Variants in DDX39A observed in about 807,000 individuals in gnomAD.
The protein encoded by DDX39A is DExD-box helicase 39A, also known as ATP-dependent RNA helicase DDX39A.
DDX39A carries 13 observed loss-of-function variants against 46.3 expected under a neutral mutation model. That is an observed-to-expected ratio of 0.28 (90% CI 0.18 to 0.45). The LOEUF (loss-of-function observed/expected upper bound fraction) is 0.45. Among genes scored for constraint, DDX39A ranks in the 20% least tolerant of loss-of-function variants. The pLI, the probability that DDX39A is intolerant of heterozygous loss-of-function variation, is 1.00. For synonymous variants in DDX39A, 234 were observed against 224.6 expected (o/e 1.04, Z -0.38); for missense variants, 352 against 581.8 (o/e 0.61, Z 4.06).
In DDX39A at chr19:14,410,806, G is replaced by T; in HGVS notation, c.613+183C>A. ...GGACGGGGGCTTGCTTGGGCCCCGT[G>T]GTCCCATTCGGCTCGGGCTCAGAAA... On this transcript the variant is annotated intron_variant, in intron 5 of 10. Coordinates refer to ENST00000242776, the MANE Select transcript of DDX39A (RefSeq NM_005804.4). The surrounding 1 kb of genome is among the most constrained non-coding windows in gnomAD (Gnocchi z 4.3). 1.7e-6 allele frequency: 1 copy of T among 587,508 alleles called. No individual in the cohort carries two copies. The highest frequency in any genetic ancestry group is 2.9e-6 in the Non-Finnish European group (1 of 343,144). The allele number at this position is 587,508 out of a possible 1,614,324, so 36.4% of individuals were successfully genotyped here.
Position 14,411,533 on chromosome 19 carries a change from G to C in DDX39A, c.402C>G (p.Arg134=). 6.2e-7 allele frequency: 1 copy of C among 1,614,170 alleles called. No homozygotes were observed. Residue 134 remains arginine (R), a synonymous_variant, in exon 4 of 11, where the codon CGC becomes CGG. Coordinates refer to ENST00000242776, the MANE Select transcript of DDX39A (RefSeq NM_005804.4). The surrounding 1 kb of genome is among the most constrained non-coding windows in gnomAD (Gnocchi z 4.1). ...LAFQISKEYE[R]FSKYMPSVKV... The stretch of plus-strand genomic sequence containing the variant: ...TGACGCTGGGCATGTACTTGGAAAA[G>C]CGCTCATATTCCTTGCTGATCTGGA...
chr19:14,410,459 G>C lies in DDX39A; in HGVS notation c.614-125C>G. 1.2e-6 allele frequency: 1 copy of C among 826,538 alleles called. No homozygotes were observed. The highest frequency in any genetic ancestry group is 2.0e-6 in the Non-Finnish European group (1 of 501,656). The allele number at this position is 826,538 out of a possible 1,614,324, so 51.2% of individuals were successfully genotyped here. Reference sequence around the variant, plus strand: ...CCAGTGGCACCGTGACGAGGGCAGAGTGAGCCGCGGGAGTGGCCAGTCCTG... The same window carrying C: ...CCAGTGGCACCGTGACGAGGGCAGACTGAGCCGCGGGAGTGGCCAGTCCTG... On this transcript the variant is annotated intron_variant, in intron 5 of 10. Transcript: ENST00000242776. This position sits in a 1 kb window ranked among gnomAD's most constrained non-coding sequence, Gnocchi z 4.3.
intron 1 of DDX39A, among the ~76,000 whole-genome samples, chr19:14,418,377 C>T (rs538467299): frequency 6.6e-6 from 1 of 152,296 alleles, no homozygotes; most frequent in South Asian, 2.1e-4. Flanking sequence ...TACCCAGTTA[C>T]CCTCAAGTGT....
At chr19:14,418,846 G>T in intron 1 of DDX39A, 1 of 452,130 alleles carries the variant, frequency 2.2e-6, no homozygotes. Context: ...CTGGGAAAGG[G>T]ATCAAGTCCC....
At position 14,413,242 on chromosome 19, in the gene DDX39A, C is replaced by G. The variant is rs752376593; in HGVS notation, c.-4-18G>C. ...CCATGATGCTGAGAAGAGAGAGAGG[C>G]AGGGTCCCGCGAGTGGGCACAGAAG... On this transcript the variant is annotated intron_variant, in intron 1 of 10. Transcript: ENST00000242776. 1.0e-5 allele frequency: 16 copies of G among 1,607,352 alleles called. No individual in the cohort carries two copies. The highest frequency in any genetic ancestry group is 1.4e-5 in the Non-Finnish European group (16 of 1,175,780).
chr19:14,410,942 G>T lies in DDX39A; in HGVS notation c.613+47C>A, dbSNP rs764779089. 1 of 1,488,372 alleles carries T rather than the reference G, an allele frequency of 6.7e-7. No individual in the cohort carries two copies. Among genetic ancestry groups the T allele is most frequent in the Non-Finnish European group, 9.0e-7 (1 of 1,114,668 alleles). 92.2% of individuals were successfully genotyped at this position (1,488,372 alleles called of 1,614,324 possible). On this transcript the variant is annotated intron_variant, in intron 5 of 10. Transcript: ENST00000242776. The surrounding 1 kb of genome is among the most constrained non-coding windows in gnomAD (Gnocchi z 4.3). ...GAGCCTTCCGCCTGCTATGGGGCCC[G>T]CCTAGTCACTGACTCTCAGCTGGGG... is the stretch of plus-strand genomic sequence containing the variant.
Position 14,412,541 on chromosome 19 carries a change from G to C in DDX39A, c.336+10C>G, listed in dbSNP as rs780871569. The C allele has an allele frequency of 6.2e-7, 1 of 1,604,028 alleles. No homozygotes were observed. The highest frequency in any genetic ancestry group is 8.5e-7 in the Non-Finnish European group (1 of 1,178,722). Reference sequence around the variant, plus strand: ...GCAGGGTGGGGCCAGGAAGGGAGGAGCCCACCCACCTGTCCGTTGACAGGC... The same window carrying C: ...GCAGGGTGGGGCCAGGAAGGGAGGACCCCACCCACCTGTCCGTTGACAGGC... On this transcript the variant is annotated intron_variant, in intron 3 of 10. Transcript: ENST00000242776. The surrounding 1 kb of genome is among the most constrained non-coding windows in gnomAD (Gnocchi z 4.4).
In DDX39A at chr19:14,411,357, C is replaced by A; in HGVS notation, c.429+149G>T. The A allele has an allele frequency of 1.0e-6, 1 of 1,003,440 alleles. No individual in the cohort carries two copies. The highest frequency in any genetic ancestry group is 1.5e-6 in the Non-Finnish European group (1 of 676,974). The allele number at this position is 1,003,440 out of a possible 1,614,324, so 62.2% of individuals were successfully genotyped here. A position where few individuals can be genotyped will look rare whatever the true frequency, so the allele number is the denominator to read the frequency against. On this transcript the variant is annotated intron_variant, in intron 4 of 10. Transcript: ENST00000242776. The surrounding 1 kb of genome is among the most constrained non-coding windows in gnomAD (Gnocchi z 4.1). ...AGGCCCCTGGGAGCCATGCATAATTCATCAGGCTTTTAAGGAGCAAAAACC... is the reference window on the plus strand; with the variant it reads ...AGGCCCCTGGGAGCCATGCATAATTAATCAGGCTTTTAAGGAGCAAAAACC...
Position 14,410,497 on chromosome 19 carries a change from C to G in DDX39A, c.614-163G>C. The stretch of plus-strand genomic sequence containing the variant: ...GTGGCCAGTCCTGGTGCCTGAGGGG[C>G]TGGGGGGTGGCCAGCGAGCGCAGGC... On this transcript the variant is annotated intron_variant, in intron 5 of 10. Coordinates refer to ENST00000242776, the MANE Select transcript of DDX39A (RefSeq NM_005804.4). This position sits in a 1 kb window ranked among gnomAD's most constrained non-coding sequence, Gnocchi z 4.3. The G allele has an allele frequency of 1.5e-6, 1 of 654,904 alleles. No individual in the cohort carries two copies. The allele number at this position is 654,904 out of a possible 1,614,324, so 40.6% of individuals were successfully genotyped here. A position where few individuals can be genotyped will look rare whatever the true frequency, so the allele number is the denominator to read the frequency against.
In DDX39A at chr19:14,410,704, G is replaced by A; in HGVS notation, c.613+285C>T. ...TGTCGGGGCTCACTGAGGGCAGGCG[G>A]GGCCTGGAACCAACCCAACAGGTGG... On this transcript the variant is annotated intron_variant, in intron 5 of 10. Coordinates refer to ENST00000242776, the MANE Select transcript of DDX39A (RefSeq NM_005804.4). This position sits in a 1 kb window ranked among gnomAD's most constrained non-coding sequence, Gnocchi z 4.3. 3.8e-6 allele frequency: 2 copies of A among 520,012 alleles called. No individual in the cohort carries two copies. Among genetic ancestry groups the A allele is most frequent in the South Asian group, 4.6e-5 (2 of 43,856 alleles). The allele number at this position is 520,012 out of a possible 1,614,324, so 32.2% of individuals were successfully genotyped here.
rs1599643438 is a variant in DDX39A at position 14,410,630 on chromosome 19, T to G, written c.614-296A>C. 1.9e-6 allele frequency: 1 copy of G among 523,760 alleles called. No homozygotes were observed. The highest frequency in any genetic ancestry group is 3.5e-6 in the Non-Finnish European group (1 of 286,786). 32.4% of individuals were successfully genotyped at this position (523,760 alleles called of 1,614,324 possible). ...CCTGAGGCAGAGACAGCCGCTGGGG[T>G]GAGAGCTGCAGCTGCCTCCCAGGAC... On this transcript the variant is annotated intron_variant, in intron 5 of 10. Coordinates refer to ENST00000242776, the MANE Select transcript of DDX39A (RefSeq NM_005804.4). The surrounding 1 kb of genome is among the most constrained non-coding windows in gnomAD (Gnocchi z 4.3).
Position 14,412,661 on chromosome 19 carries a change from G to T in DDX39A, c.226C>A (p.Pro76Thr). The T allele has an allele frequency of 6.2e-7, 1 of 1,607,530 alleles. No homozygotes were observed. The highest frequency in any genetic ancestry group is 8.5e-7 in the Non-Finnish European group (1 of 1,179,740). ...ACGTCCATGCCCAGGATGGCCTGGGGAATGCACTCATGCTGGACTGCAGGA... is the reference window on the plus strand; with the variant it reads ...ACGTCCATGCCCAGGATGGCCTGGGTAATGCACTCATGCTGGACTGCAGGA... ...HPSEVQHECI[P>T]QAILGMDVLC... The change falls in exon 3 of 11, where the codon CCC becomes ACC. Residue 76 changes from proline (P) to threonine (T), a missense_variant. Physicochemically the swap from Pro to Thr is conservative, Grantham distance 38 (BLOSUM62 -1). This residue lies in a region of DDX39A where 5 missense variants were observed against 33.7 expected (regional missense o/e 0.15). Coordinates refer to ENST00000242776, the MANE Select transcript of DDX39A (RefSeq NM_005804.4). This position sits in a 1 kb window ranked among gnomAD's most constrained non-coding sequence, Gnocchi z 4.4.
chr19:14,418,201 G>A (rs1034728098), intron 1 of DDX39A, among the ~76,000 whole-genome samples: 10 of 149,816 alleles, frequency 6.7e-5, no homozygotes, highest in African/African-American at 2.5e-4. Flanking sequence ...TAAAATTTTC[G>A]AGAAACCGGG....
chr19:14,409,789 TCTCA>T lies in DDX39A; in HGVS notation c.813_816del (p.Ser271ArgfsTer18). 6.2e-7 allele frequency: 1 copy of T among 1,614,154 alleles called. No homozygotes were observed. Among genetic ancestry groups the T allele is most frequent in the Non-Finnish European group, 8.5e-7 (1 of 1,180,034 alleles). ...AAGAGATCAAAGAGCTTGCGGTTCT[TCTCA>T]CTGTCTTTGAGTTTGACGTAGTACT... is the stretch of plus-strand genomic sequence containing the variant. On this transcript the variant is annotated frameshift_variant, in exon 7 of 11. Coordinates refer to ENST00000242776, the MANE Select transcript of DDX39A (RefSeq NM_005804.4). LOFTEE classifies it high-confidence loss of function. This position sits in a 1 kb window ranked among gnomAD's most constrained non-coding sequence, Gnocchi z 8.3.
chr19:14,412,902 C>T lies in DDX39A; in HGVS notation c.208+111G>A, dbSNP rs1299923043. ...GGGCACAACTGATCCGCGGGACAGA[C>T]GGGCCCCTCCCTCACCCACGGCAAA... On this transcript the variant is annotated intron_variant, in intron 2 of 10. Coordinates refer to ENST00000242776, the MANE Select transcript of DDX39A (RefSeq NM_005804.4). This position sits in a 1 kb window ranked among gnomAD's most constrained non-coding sequence, Gnocchi z 4.4. 9 of 1,347,034 alleles carry T rather than the reference C, an allele frequency of 6.7e-6. No individual in the cohort carries two copies. Among genetic ancestry groups the T allele is most frequent in the African/African-American group, 5.8e-5 (4 of 68,408 alleles). 83.4% of individuals were successfully genotyped at this position (1,347,034 alleles called of 1,614,324 possible).
rs1976668057 is a variant in DDX39A at position 14,413,262 on chromosome 19, C to A, written c.-4-38G>T. The A allele has an allele frequency of 3.2e-6, 5 of 1,569,618 alleles. No individual in the cohort carries two copies. The East Asian group carries it at 1.1e-4, about 35-fold the overall frequency. ...AGAGGCAGGGTCCCGCGAGTGGGCA[C>A]AGAAGGATGATGAAGCTTCATTCAA... is the stretch of plus-strand genomic sequence containing the variant. On this transcript the variant is annotated intron_variant, in intron 1 of 10. Coordinates refer to ENST00000242776, the MANE Select transcript of DDX39A (RefSeq NM_005804.4).
chr19:14,411,508 T>G lies in DDX39A; in HGVS notation c.427A>C (p.Lys143Gln). The G allele has an allele frequency of 6.2e-7, 1 of 1,614,108 alleles. No homozygotes were observed. The highest frequency in any genetic ancestry group is 1.1e-5 in the South Asian group (1 of 91,084). Residue 143 changes from lysine to glutamine, a missense_variant and splice_region_variant, in exon 4 of 11, where the codon AAG becomes CAG. Physicochemically the swap from Lys to Gln is moderately conservative, Grantham distance 53. Around this residue, in one of 3 missense-constraint regions of DDX39A, gnomAD observed 301 missense variants for 469.9 expected, o/e 0.64. Transcript: ENST00000242776. The surrounding 1 kb of genome is among the most constrained non-coding windows in gnomAD (Gnocchi z 4.1). Reference protein sequence around the residue: ...ERFSKYMPSVKVSVFFGGLSI... With the variant: ...ERFSKYMPSVQVSVFFGGLSI... ...CCAGTCTGGCCCGAGGGACTCACCT[T>G]GACGCTGGGCATGTACTTGGAAAAG...
chr19:14,414,911 G>C (rs189547599), intron 1 of DDX39A, among the ~76,000 whole-genome samples: 2 of 147,760 alleles, frequency 1.4e-5, no homozygotes, highest in East Asian at 4.0e-4. Context: ...GTTGTGATGG[G>C]CTGAAATCAC....
chr19:14,412,566 C>G lies in DDX39A; in HGVS notation c.321G>C (p.Glu107Asp), dbSNP rs148793643. The G allele has an allele frequency of 1.9e-5, 30 of 1,608,974 alleles. No individual in the cohort carries two copies. In the South Asian group the frequency reaches 2.9e-4, roughly 15 times the overall value. The change falls in exon 3 of 11, where the codon GAG (glutamate) becomes GAC (aspartate). Residue 107 changes from glutamate to aspartate, a missense_variant. Glu to Asp is a conservative substitution (Grantham distance 45). Around this residue, in one of 3 missense-constraint regions of DDX39A, gnomAD observed 301 missense variants for 469.9 expected, o/e 0.64. Transcript: ENST00000242776. The surrounding 1 kb of genome is among the most constrained non-coding windows in gnomAD (Gnocchi z 4.4). ...VFVLATLQQI[E>D]PVNGQVTVLV... ...GCCCACCCACCTGTCCGTTGACAGGCTCAATCTGCTGTAGGGTGGCCAGCA... is the reference window on the plus strand; with the variant it reads ...GCCCACCCACCTGTCCGTTGACAGGGTCAATCTGCTGTAGGGTGGCCAGCA...
Sources: gnomAD v4.1 joint callset for allele counts (sites outside exome capture counted in the v4.1 genomes callset) on GRCh38, gnomAD v4.1.1 for gene constraint, gnomAD v4.1.1 regional missense constraint, Gnocchi (gnomAD v3.1) non-coding constraint, MANE v1.5 for transcripts, NCBI Gene and HGNC (gene_info 2026-07-23, HGNC 2026-07-21) for gene names.